The following WDR93 variants were observed in gnomAD, a reference collection of about 807,000 sequenced individuals.
WDR93 encodes WD repeat domain 93, also known as WD repeat-containing protein 93.
Under a neutral mutation model 82.9 loss-of-function variants are expected in WDR93, and 73 were observed. The observed-to-expected ratio is 0.88, with a 90% CI of 0.73 to 1.07. The LOEUF (loss-of-function observed/expected upper bound fraction) is 1.07, where lower values mean the gene tolerates loss of function less well. Ranked by LOEUF, WDR93 falls within the 50% of genes least tolerant of loss-of-function variation. WDR93 has a pLI of 0.00. For missense variants in WDR93, 738 were observed against 826.0 expected (o/e 0.89, Z 1.31); for synonymous variants, 283 against 300.1 (o/e 0.94, Z 0.59).
chr15:89,711,933 T>A (rs1229561324), intron 4 of WDR93, 93 bp from the exon 5 acceptor site: 2 of 857,400 alleles, frequency 2.3e-6, no homozygotes, highest in Non-Finnish European at 3.5e-6. Context: ...TTTAAAAGGA[T>A]CTCTGTTCCT....
intron 3 of WDR93, chr15:89,703,506 A>C: frequency 3.9e-6 from 1 of 253,410 alleles, no homozygotes; most frequent in Non-Finnish European, 7.6e-6. Context: ...CAGTCCTCTC[A>C]TACAAACCAG....
intron 5 of WDR93, among the ~76,000 whole-genome samples, chr15:89,713,146 A>C (rs1447300091): frequency 6.6e-6 from 1 of 151,164 alleles, no homozygotes; most frequent in Non-Finnish European, 1.5e-5. Context: ...AAAAAAAAAA[A>C]AGTATCGTCT....
At chr15:89,740,779 G>A (rs1006529424) in intron 16 of WDR93, among the ~76,000 whole-genome samples, 6 of 152,108 alleles carry the variant, frequency 3.9e-5, no homozygotes, top group Admixed American at 2.6e-4. Flanking sequence ...TGGGATTACA[G>A]ACATGAGCCA....
At chr15:89,738,576 A>G (rs1178524340) in intron 16 of WDR93, among the ~76,000 whole-genome samples, 6 of 150,516 alleles carry the variant, frequency 4.0e-5, no homozygotes, top group African/African-American at 1.5e-4. Flanking sequence ...GCAGTGAGCC[A>G]AGATCGCACC....
intron 3 of WDR93, chr15:89,704,584 G>A (rs1018930005): frequency 1.3e-5 from 2 of 152,230 alleles, no homozygotes; most frequent in Non-Finnish European, 2.9e-5. Flanking sequence ...CCCCCTTTGT[G>A]CCTTAGAATA....
chr15:89,718,335 G>A (rs1448923675), intron 7 of WDR93, among the ~76,000 whole-genome samples: 1 of 152,166 alleles, frequency 6.6e-6, no homozygotes, highest in Non-Finnish European at 1.5e-5. Context: ...TTAGCCGGAT[G>A]TGGTGGCGTG....
Position 89,731,504 on chromosome 15 carries a change from C to T in WDR93, c.1272C>T (p.Ser424=). The T allele has an allele frequency of 1.2e-6, 2 of 1,614,206 alleles. No individual in the cohort carries two copies. Among genetic ancestry groups the T allele is most frequent in the Admixed American group, 3.3e-5 (2 of 60,018 alleles). ...CAGTCTCTCAGCTCAGCTGCTCCTCCTCCTACCTGGTGCTGGCCTGCGAGG... is the reference window on the plus strand; with the variant it reads ...CAGTCTCTCAGCTCAGCTGCTCCTCTTCCTACCTGGTGCTGGCCTGCGAGG... ...PIAVSQLSCS[S]SYLVLACEDG... is the part of the protein sequence containing the mutation. Residue 424 remains serine (S), a synonymous_variant, in exon 12 of 17, where the codon TCC becomes TCT. Transcript: ENST00000268130.
intron 16 of WDR93, 145 bp downstream of exon 16, chr15:89,738,381 C>T (rs1967381271): frequency 1.0e-6 from 1 of 965,900 alleles, no homozygotes; most frequent in Non-Finnish European, 1.5e-6. Flanking sequence ...AATCCCAGCA[C>T]TTTGGGAGTC....
At chr15:89,709,300 C>G (rs1965858268) in intron 4 of WDR93, among the ~76,000 whole-genome samples, 1 of 152,130 alleles carries the variant, frequency 6.6e-6, no homozygotes, top group Non-Finnish European at 1.5e-5. Flanking sequence ...GCCTTGGATC[C>G]TGAGGCTGGG....
chr15:89,731,569 C>A lies in WDR93; in HGVS notation c.1330+7C>A, dbSNP rs1966859088. 6.2e-7 allele frequency: 1 copy of A among 1,613,874 alleles called. No individual in the cohort carries two copies. Among genetic ancestry groups the A allele is most frequent in the African/African-American group, 1.3e-5 (1 of 74,904 alleles). ...CTGTGGGACCTGGCCAAAGGTAAGT[C>A]CTCCCTGCCTCTCTACCTAGTACCT... On this transcript the variant is annotated splice_region_variant and intron_variant, in intron 12 of 16. Transcript: ENST00000268130.
chr15:89,719,503 T>G (rs185831630), intron 7 of WDR93: 3 of 152,370 alleles, frequency 2.0e-5, no homozygotes, highest in African/African-American at 7.2e-5. Context: ...TGGCTTAAAG[T>G]GGTTCATAAC....
chr15:89,737,505 T>G, intron 14 of WDR93, 68 bp from the exon 15 acceptor site: 3 of 1,595,354 alleles, frequency 1.9e-6, no homozygotes, highest in Non-Finnish European at 2.6e-6. Flanking sequence ...TGGGGTGACC[T>G]CTACACGACC....
At chr15:89,729,836 G>T in intron 11 of WDR93, 67 bp downstream of exon 11, 1 of 1,355,964 alleles carries the variant, frequency 7.4e-7, no homozygotes, top group Non-Finnish European at 1.0e-6. Flanking sequence ...CTCCAGCTTA[G>T]CTAAGAGCAT....
intron 11 of WDR93, 28 bp downstream of exon 11, chr15:89,729,797 C>G (rs372248855): frequency 1.0e-4 from 165 of 1,582,698 alleles, no homozygotes; most frequent in Non-Finnish European, 1.4e-4. Flanking sequence ...TGGGAGTCGC[C>G]TAAGCTCAGG....
intron 1 of WDR93, among the ~76,000 whole-genome samples, chr15:89,691,722 A>AAAAATAAAAT (rs59373085): frequency 2.2e-4 from 33 of 150,620 alleles, no homozygotes; most frequent in Non-Finnish European, 3.0e-4. Context: ...GCTGTCTCAA[A>AAAAATAAAAT]AAAATAAAAT....
chr15:89,691,908 T>A (rs1240862288), intron 1 of WDR93, among the ~76,000 whole-genome samples: 1 of 152,126 alleles, frequency 6.6e-6, no homozygotes, highest in African/African-American at 2.4e-5. Flanking sequence ...TTTTCCTACA[T>A]TGACAAATAG....
At chr15:89,717,045 C>CTTTTTTTTTTTTTTTTTTTTT (rs11457156) in intron 7 of WDR93, 96 bp downstream of exon 7, 25 of 172,126 alleles carry the variant, frequency 1.5e-4, no homozygotes, top group African/African-American at 3.1e-4. Context: ...CTTTTTCTTT[C>CTTTTTTTTTTTTTTTTTTTTT]TTTTTTTTTT....
chr15:89,742,973 C>A (rs1416434967), intron 16 of WDR93, among the ~76,000 whole-genome samples: 4 of 152,252 alleles, frequency 2.6e-5, no homozygotes, highest in African/African-American at 9.6e-5. Context: ...TGTGTCAGAA[C>A]ATCTTCCTTT....
chr15:89,716,796 C>A, intron 6 of WDR93, 115 bp from the exon 7 acceptor site: 1 of 753,018 alleles, frequency 1.3e-6, no homozygotes, highest in Non-Finnish European at 2.2e-6. Context: ...ACATCTGTTG[C>A]ATGAATTCAC....
Sources: allele counts gnomAD v4.1 joint callset (sites outside exome capture counted in the v4.1 genomes callset), GRCh38; gene constraint gnomAD v4.1.1; transcripts MANE v1.5; gene names NCBI Gene and HGNC (gene_info 2026-07-23, HGNC 2026-07-21).